COLEC11: variants seen among roughly 807,000 people sequenced by gnomAD.
COLEC11 encodes collectin-11.
COLEC11 carries 20 observed loss-of-function variants against 27.3 expected under a neutral mutation model. The observed-to-expected ratio is 0.73, with a 90% CI of 0.51 to 1.06. COLEC11 has a LOEUF of 1.06. Ranked by LOEUF, COLEC11 falls within the 50% of genes least tolerant of loss-of-function variation. The probability of loss-of-function intolerance (pLI) is 0.00; values close to 1 mark genes in which losing one functional copy is unlikely to be tolerated. For synonymous variants in COLEC11, 163 were observed against 154.7 expected, an observed-to-expected ratio of 1.05 and a Z score of -0.40; for missense variants, 310 against 383.0, an observed-to-expected ratio of 0.81 and a Z score of 1.59.
chr2:3,620,941 G>A (rs1270035141), intron 3 of COLEC11, among the ~76,000 whole-genome samples: 1 of 152,184 alleles, frequency 6.6e-6, no homozygotes, highest in Non-Finnish European at 1.5e-5. Context: ...GACTTGTTTT[G>A]TGGCCTAACG....
Position 3,643,905 on chromosome 2 carries a change from C to T in COLEC11, c.603C>T (p.Val201=), listed in dbSNP as rs1415692065. 1 of 1,613,962 alleles carries T rather than the reference C, an allele frequency of 6.2e-7. No individual in the cohort carries two copies. Among genetic ancestry groups the T allele is most frequent in the African/African-American group, 1.3e-5 (1 of 74,962 alleles). The change falls in exon 7 of 7, where the codon GTC becomes GTT. Residue 201 remains valine (V), a synonymous_variant. Transcript: ENST00000349077. The part of the protein sequence containing the change: ...AYLAQAGLAR[V]FIGINDLEKE... ...TGGCGCAAGCCGGCCTGGCCCGTGT[C>T]TTCATCGGCATCAACGACCTGGAGA... is the stretch of plus-strand genomic sequence containing the variant.
intron 3 of COLEC11, among the ~76,000 whole-genome samples, chr2:3,626,261 G>A (rs55888183): frequency 0.1 from 15,363 of 152,284 alleles, 2,638 homozygotes; most frequent in African/African-American, 0.35. Flanking sequence ...GGCACAATGC[G>A]GTCCCAGCCT....
chr2:3,616,564 C>T (rs899995098), intron 3 of COLEC11, among the ~76,000 whole-genome samples: 3 of 152,242 alleles, frequency 2.0e-5, no homozygotes, highest in African/African-American at 4.8e-5. Context: ...GGAGACCAGC[C>T]CGGCCAACAC....
At chr2:3,636,162 C>G (rs1280988260) in intron 3 of COLEC11, among the ~76,000 whole-genome samples, 1 of 152,192 alleles carries the variant, frequency 6.6e-6, no homozygotes, top group African/African-American at 2.4e-5. Context: ...ATAGAAAGTC[C>G]TTCCCGCCAC....
chr2:3,625,684 G>A (rs976735466), intron 3 of COLEC11, among the ~76,000 whole-genome samples: 8 of 135,014 alleles, frequency 5.9e-5, no homozygotes, highest in African/African-American at 1.2e-4. Context: ...CAAGGCTGGA[G>A]TACAGTGGCA....
intron 2 of COLEC11, 48 bp downstream of exon 2, chr2:3,604,518 A>C (rs1465131181): frequency 6.2e-7 from 1 of 1,603,546 alleles, no homozygotes; most frequent in Admixed American, 1.7e-5. Context: ...CCTCCGGGCC[A>C]GCTGAGAGAC....
chr2:3,638,641 G>A (rs141249704), intron 4 of COLEC11, among the ~76,000 whole-genome samples: 1 of 152,122 alleles, frequency 6.6e-6, no homozygotes, highest in Non-Finnish European at 1.5e-5. Context: ...TGGTAGAAAG[G>A]GCTCTGTGGC....
intron 4 of COLEC11, among the ~76,000 whole-genome samples, chr2:3,639,168 C>G (rs975142807): frequency 6.6e-6 from 1 of 152,226 alleles, no homozygotes; most frequent in South Asian, 2.1e-4. Context: ...TAATATTCCA[C>G]CATATGGATG....
intron 3 of COLEC11, among the ~76,000 whole-genome samples, chr2:3,615,645 C>T (rs1005636753): frequency 2.6e-4 from 40 of 152,370 alleles, no homozygotes; most frequent in African/African-American, 9.4e-4. Context: ...TCTCAATGAG[C>T]TGTGGGGTAC....
Position 3,602,427 on chromosome 2 carries a change from C to T in COLEC11, c.-26-1888C>T, listed in dbSNP as rs1023019900. Among the ~76,000 whole-genome samples, 2 of 152,114 alleles carry T rather than the reference C, an allele frequency of 1.3e-5. No individual in the cohort carries two copies. Among genetic ancestry groups the T allele is most frequent in the African/African-American group, 2.4e-5 (1 of 41,364 alleles). On this transcript the variant is annotated intron_variant, in intron 1 of 6. Transcript: ENST00000349077. The surrounding 1 kb of genome is among the most constrained non-coding windows in gnomAD (Gnocchi z 6.2). Reference sequence around the variant, plus strand: ...TTCACCTGGCTGCTCAGAACAAAAGCTTTAATCTTTGATTTCTCTCTGTCA... The same window carrying T: ...TTCACCTGGCTGCTCAGAACAAAAGTTTTAATCTTTGATTTCTCTCTGTCA...
chr2:3,615,657 C>A (rs1029939656), intron 3 of COLEC11, among the ~76,000 whole-genome samples: 1 of 152,258 alleles, frequency 6.6e-6, no homozygotes, highest in Non-Finnish European at 1.5e-5. Context: ...GTGGGGTACA[C>A]CTCCCAGACG....
Position 3,631,413 on chromosome 2 carries a change from G to A in COLEC11, c.203-6120G>A, listed in dbSNP as rs572538236. The stretch of plus-strand genomic sequence containing the variant: ...ACAATAACATCTGCCTACTATCAGG[G>A]TGTTTAGACAAAGTTGGCACTGGCT... On this transcript the variant is annotated intron_variant, in intron 3 of 6. Transcript: ENST00000349077. Among the ~76,000 whole-genome samples, 5 of 152,304 alleles carry A rather than the reference G, an allele frequency of 3.3e-5. No homozygotes were observed. In the South Asian group the frequency reaches 1.0e-3, roughly 32 times the overall value.
chr2:3,625,913 A>G (rs527874991), intron 3 of COLEC11: 1 of 1,114,688 alleles, frequency 9.0e-7, no homozygotes, highest in African/African-American at 1.5e-5. Context: ...GATTATAGGC[A>G]TGAGCCGCCA....
At position 3,602,132 on chromosome 2, in the gene COLEC11, G is replaced by A. The variant is rs1031174202; in HGVS notation, c.-26-2183G>A. 6.6e-6 allele frequency: 1 copy of A among 152,334 alleles called. No homozygotes were observed. Among genetic ancestry groups the A allele is most frequent in the East Asian group, 1.9e-4 (1 of 5,156 alleles). The allele number at this position is 152,334 out of a possible 1,614,324, so 9.4% of individuals were successfully genotyped here. ...TGGCTTTTGTAGCAGGGCTCTCACG[G>A]GGCTGTTGATGTGGGAAGCCCCCCA... On this transcript the variant is annotated intron_variant, in intron 1 of 6. Coordinates refer to ENST00000349077, the MANE Select transcript of COLEC11 (RefSeq NM_024027.5). The surrounding 1 kb of genome is among the most constrained non-coding windows in gnomAD (Gnocchi z 6.2).
intron 2 of COLEC11, among the ~76,000 whole-genome samples, chr2:3,610,476 A>T (rs572960119): frequency 1.3e-5 from 2 of 152,352 alleles, no homozygotes; most frequent in Admixed American, 6.5e-5. Context: ...GACTGCTGTC[A>T]TGTAGGCGGT....
At chr2:3,607,725 A>G (rs1662844299) in intron 2 of COLEC11, among the ~76,000 whole-genome samples, 1 of 152,220 alleles carries the variant, frequency 6.6e-6, no homozygotes, top group African/African-American at 2.4e-5. Flanking sequence ...CTGGGATTAC[A>G]GGTGTGAGCC....
chr2:3,597,100 C>T (rs1027456625), intron 1 of COLEC11, among the ~76,000 whole-genome samples: 8 of 151,762 alleles, frequency 5.3e-5, no homozygotes, highest in Admixed American at 5.2e-4. Context: ...TGGGCTGTTC[C>T]GGGGATCAGT....
intron 1 of COLEC11, among the ~76,000 whole-genome samples, chr2:3,599,058 A>AG (rs11402439): frequency 0.81 from 122,435 of 152,060 alleles, 50,915 homozygotes; most frequent in African/African-American, 0.95. Context: ...GAAAGAGGAA[A>AG]CAGCCAACAG....
chr2:3,604,270 C>G, intron 1 of COLEC11, 45 bp from the exon 2 acceptor site: 2 of 1,607,570 alleles, frequency 1.2e-6, no homozygotes, highest in South Asian at 2.2e-5. Context: ...ACTGGCTGCC[C>G]GGCTGTTGCA....
Sources: allele counts gnomAD v4.1 joint callset (sites outside exome capture counted in the v4.1 genomes callset), GRCh38; gene constraint gnomAD v4.1.1; non-coding constraint Gnocchi (gnomAD v3.1); transcripts MANE v1.5; gene names NCBI Gene and HGNC (gene_info 2026-07-23, HGNC 2026-07-21).